The following METTL15 variants were observed in gnomAD, a reference collection of about 807,000 sequenced individuals.
The protein encoded by METTL15 is 12S rRNA N(4)-cytidine methyltransferase METTL15.
METTL15 carries 34 observed loss-of-function variants against 38.3 expected under a neutral mutation model. The observed-to-expected ratio is 0.89, with a 90% CI of 0.68 to 1.18. The LOEUF (loss-of-function observed/expected upper bound fraction) is 1.18. Among genes scored for constraint, METTL15 ranks in the 50% most tolerant of loss-of-function variants. The pLI is 0.00. For missense variants in METTL15, 438 were observed against 498.4 expected (o/e 0.88, Z 1.15); for synonymous variants, 162 against 170.9 (o/e 0.95, Z 0.41).
chr11:28,498,756 A>T (rs1851556900), intron 6 of METTL15, among the ~76,000 whole-genome samples: 1 of 152,212 alleles, frequency 6.6e-6, no homozygotes, highest in Non-Finnish European at 1.5e-5. Flanking sequence ...GTTATTTCAG[A>T]TTCTTCATGA....
intron 5 of METTL15, among the ~76,000 whole-genome samples, chr11:28,398,550 T>G (rs1382061008): frequency 1.3e-5 from 2 of 152,156 alleles, no homozygotes; most frequent in Admixed American, 6.6e-5. Context: ...TTTGTTTAAG[T>G]TCTTTGTAGA....
At chr11:28,264,933 ATT>A (rs796608808) in intron 4 of METTL15, among the ~76,000 whole-genome samples, 2 of 151,366 alleles carry the variant, frequency 1.3e-5, no homozygotes, top group African/African-American at 4.8e-5. Flanking sequence ...GGGAGGAAAT[ATT>A]TTTTTTATTA....
intron 5 of METTL15, among the ~76,000 whole-genome samples, chr11:28,380,237 G>C (rs915520983): frequency 7.0e-6 from 1 of 142,808 alleles, no homozygotes; most frequent in East Asian, 2.1e-4. Flanking sequence ...GCACAATCTC[G>C]GCTCACTGCA....
intron 5 of METTL15, among the ~76,000 whole-genome samples, chr11:28,416,656 T>C (rs1274538865): frequency 2.0e-5 from 3 of 152,150 alleles, no homozygotes; most frequent in African/African-American, 7.2e-5. Flanking sequence ...TTGTTAAAAA[T>C]AAATCTGGCT....
At chr11:28,291,857 A>G (rs371747461) in intron 5 of METTL15, among the ~76,000 whole-genome samples, 103 of 152,198 alleles carry the variant, frequency 6.8e-4, no homozygotes, top group African/African-American at 2.3e-3. Flanking sequence ...AGCAAATTGT[A>G]GTTTGTGAAT....
chr11:28,273,542 T>C (rs1855727765), intron 4 of METTL15, among the ~76,000 whole-genome samples: 1 of 152,112 alleles, frequency 6.6e-6, no homozygotes, highest in South Asian at 2.1e-4. Flanking sequence ...AGAGCTGTAG[T>C]TAATCTTCAG....
chr11:28,334,256 C>G (rs1007246471), downstream of METTL15, among the ~76,000 whole-genome samples: 8 of 151,888 alleles, frequency 5.3e-5, no homozygotes, highest in Non-Finnish European at 1.5e-5. Flanking sequence ...TTCAATTTAT[C>G]TCTGGAAAAA....
intron 4 of METTL15, among the ~76,000 whole-genome samples, chr11:28,241,701 C>T (rs143001011): frequency 6.6e-6 from 1 of 152,172 alleles, no homozygotes; most frequent in Non-Finnish European, 1.5e-5. Flanking sequence ...TGGAATGAAT[C>T]TGAGAAGATA....
At position 28,321,856 on chromosome 11, in the gene METTL15, A is replaced by G. The variant is rs572432464; in HGVS notation, c.779-8540A>G. On this transcript the variant is annotated intron_variant, in intron 6 of 6. Transcript: ENST00000407364. ...AATGTGGTATTTGCAGAAAAATAGG[A>G]GAAACGCATCAATGGAACACAATTG... Among the ~76,000 whole-genome samples the G allele has an allele frequency of 6.7e-4, 100 of 149,338 alleles. No homozygotes were observed. In the Middle Eastern group the frequency reaches 0.014, roughly 21 times the overall value.
At chr11:28,233,995 C>T (rs1853813144) in intron 4 of METTL15, among the ~76,000 whole-genome samples, 1 of 149,632 alleles carries the variant, frequency 6.7e-6, no homozygotes, top group Admixed American at 6.7e-5. Flanking sequence ...TGATGTTCCC[C>T]TTACTGTGTC....
intron 3 of METTL15, among the ~76,000 whole-genome samples, chr11:28,166,995 A>G (rs1850680902): frequency 6.6e-6 from 1 of 152,132 alleles, no homozygotes; most frequent in South Asian, 2.1e-4. Flanking sequence ...TATTTCATCT[A>G]TTCTTTCTAT....
intron 5 of METTL15, among the ~76,000 whole-genome samples, chr11:28,416,265 C>A (rs1216435207): frequency 1.3e-5 from 2 of 152,162 alleles, no homozygotes; most frequent in Non-Finnish European, 2.9e-5. Flanking sequence ...TCTATCTATA[C>A]CCCTGGCAAC....
In METTL15 at chr11:28,459,304, G is replaced by A. The variant is rs558786039; in HGVS notation, c.*424+34940G>A. 3.9e-5 allele frequency among the ~76,000 whole-genome samples: 6 copies of A among 152,252 alleles called. No individual in the cohort carries two copies. In the South Asian group the frequency reaches 1.2e-3, roughly 32 times the overall value. On this transcript the variant is annotated intron_variant and NMD_transcript_variant, in intron 6 of 7. Coordinates refer to the METTL15 transcript ENST00000532947. Reference sequence around the variant, plus strand: ...TTCTGTCTTCATAAGCCTCTGTGGAGTGGGTTTAATTTCAATCTAAATTCT... The same window carrying A: ...TTCTGTCTTCATAAGCCTCTGTGGAATGGGTTTAATTTCAATCTAAATTCT...
intron 3 of METTL15, among the ~76,000 whole-genome samples, chr11:28,115,264 C>CT (rs567519935): frequency 0.015 from 2,190 of 146,384 alleles, 25 homozygotes; most frequent in African/African-American, 0.039. Flanking sequence ...TTCTCGTTTT[C>CT]TTTTTTTTTT....
chr11:28,368,823 A>G (rs562941322), intron 5 of METTL15, among the ~76,000 whole-genome samples: 157 of 152,324 alleles, frequency 1.0e-3, no homozygotes, highest in African/African-American at 1.9e-3. Flanking sequence ...CTATGCAGCC[A>G]TAAAAAGGAT....
chr11:28,172,597 T>C (rs957215237), intron 3 of METTL15, among the ~76,000 whole-genome samples: 2 of 152,312 alleles, frequency 1.3e-5, no homozygotes, highest in East Asian at 3.9e-4. Context: ...ACATTCTGTT[T>C]TACATTGTGT....
chr11:28,298,650 A>G (rs1012764264), intron 6 of METTL15, among the ~76,000 whole-genome samples: 2 of 152,148 alleles, frequency 1.3e-5, no homozygotes, highest in Non-Finnish European at 2.9e-5. Flanking sequence ...AGATTATGAT[A>G]TGAAAAGTAC....
chr11:28,532,077 A>G, the METTL15 span, among the ~76,000 whole-genome samples: 7 of 152,200 alleles, frequency 4.6e-5, no homozygotes, highest in South Asian at 1.2e-3. Flanking sequence ...CTATCTAACT[A>G]CCTACCACCA....
chr11:28,368,006 G>A (rs1850203393), intron 5 of METTL15, among the ~76,000 whole-genome samples: 1 of 151,394 alleles, frequency 6.6e-6, no homozygotes, highest in African/African-American at 2.4e-5. Context: ...AGAAAACTTG[G>A]GCAATACCAT....
Sources: gnomAD v4.1 joint callset for allele counts (sites outside exome capture counted in the v4.1 genomes callset) on GRCh38, gnomAD v4.1.1 for gene constraint, MANE v1.5 for transcripts, NCBI Gene and HGNC (gene_info 2026-07-23, HGNC 2026-07-21) for gene names.